TRPM3: variants seen among roughly 807,000 people sequenced by gnomAD.
TRPM3 encodes the protein long transient receptor potential channel 3.
A neutral mutation model predicts 181.2 loss-of-function variants in TRPM3; 77 were observed. The observed-to-expected ratio is 0.42, with a 90% confidence interval of 0.35 to 0.51. The LOEUF (loss-of-function observed/expected upper bound fraction) is 0.51, where lower values mean the gene tolerates loss of function less well. Among genes scored for constraint, TRPM3 ranks in the 20% least tolerant of loss-of-function variants. The pLI is 0.01. For synonymous variants in TRPM3, 745 were observed against 796.4 expected (o/e 0.94, Z 1.09); for missense variants, 1,759 against 2,196.7 (o/e 0.80, Z 3.98).
chr9:70,628,510 G>A (rs2133339797), intron 12 of TRPM3, among the ~76,000 whole-genome samples: 2 of 152,230 alleles, frequency 1.3e-5, no homozygotes, highest in South Asian at 4.1e-4. Flanking sequence ...ATAAATTTGT[G>A]CCTAGTTTTA....
At chr9:71,235,915 C>T (rs1299580471) in intron 1 of TRPM3, among the ~76,000 whole-genome samples, 2 of 152,210 alleles carry the variant, frequency 1.3e-5, no homozygotes, top group African/African-American at 4.8e-5. Context: ...TGAGATACTA[C>T]ATATGCCTAG....
intron 1 of TRPM3, among the ~76,000 whole-genome samples, chr9:71,342,871 G>T (rs1315443630): frequency 1.3e-5 from 2 of 151,968 alleles, no homozygotes; most frequent in African/African-American, 2.4e-5. Context: ...TCTGTATAAT[G>T]GTTTACTATT....
chr9:70,867,910 C>T (rs1403542099), intron 1 of TRPM3, among the ~76,000 whole-genome samples: 1 of 151,992 alleles, frequency 6.6e-6, no homozygotes, highest in African/African-American at 2.4e-5. Flanking sequence ...TTTTGAACTA[C>T]TCTATATGAA....
chr9:70,878,116 A>G (rs2095905194), intron 1 of TRPM3, among the ~76,000 whole-genome samples: 1 of 152,034 alleles, frequency 6.6e-6, no homozygotes, highest in African/African-American at 2.4e-5. Flanking sequence ...CCCACTGTTG[A>G]TTCCAATGTT....
intron 9 of TRPM3, among the ~76,000 whole-genome samples, chr9:70,660,629 A>T (rs1282937515): frequency 6.6e-6 from 1 of 152,136 alleles, no homozygotes; most frequent in Non-Finnish European, 1.5e-5. Context: ...TGTCTCAGAT[A>T]TTTGGGGTTC....
chr9:70,836,268 C>T (rs997641494), intron 5 of TRPM3, among the ~76,000 whole-genome samples: 1 of 152,066 alleles, frequency 6.6e-6, no homozygotes, highest in African/African-American at 2.4e-5. Flanking sequence ...ACCTCTCTGT[C>T]CCATGTCCCT....
At chr9:71,014,307 G>C (rs1044281727) in intron 1 of TRPM3, among the ~76,000 whole-genome samples, 5 of 151,952 alleles carry the variant, frequency 3.3e-5, no homozygotes, top group Non-Finnish European at 1.5e-5. Context: ...AGAATGTCAT[G>C]ACCTAACATA....
Position 71,025,176 on chromosome 9 carries a change from A to G in TRPM3, c.177+96002T>C, listed in dbSNP as rs544118923. Among the ~76,000 whole-genome samples the G allele has an allele frequency of 3.3e-5, 5 of 152,338 alleles. 1 individual carries two copies. In the South Asian group the frequency reaches 1.0e-3, roughly 32 times the overall value. On this transcript the variant is annotated intron_variant, in intron 1 of 25. Coordinates refer to ENST00000677713, the MANE Select transcript of TRPM3 (RefSeq NM_001366145.2). ...TGCAATACTCATTCCCCCAAATAGA[A>G]GCTATAATAATCACTTTCCAGCCTC...
chr9:70,950,742 T>C (rs1330475305), intron 1 of TRPM3, among the ~76,000 whole-genome samples: 7 of 152,194 alleles, frequency 4.6e-5, no homozygotes, highest in Admixed American at 1.3e-4. Context: ...CTAAATCTCA[T>C]CCGACTTCTT....
In TRPM3 at chr9:71,401,925, C is replaced by A. The variant is rs371585849; in HGVS notation, c.183+44728G>T. Among the ~76,000 whole-genome samples, 92 of 152,276 alleles carry A rather than the reference C, an allele frequency of 6.0e-4. 3 individuals carry two copies. In the South Asian group the frequency reaches 0.018, roughly 30 times the overall value. ...GAAATTCTAAAAGTTCATATTATCC[C>A]CTCAAATCACTCTCATGAGTTACTG... On this transcript the variant is annotated intron_variant, in intron 1 of 24. Transcript: ENST00000357533.
chr9:71,102,473 A>G (rs534695587), intron 1 of TRPM3, among the ~76,000 whole-genome samples: 10 of 152,216 alleles, frequency 6.6e-5, no homozygotes, highest in Non-Finnish European at 1.5e-4. Context: ...CTTATGCTAC[A>G]CTGCCTACTT....
chr9:70,925,360 A>G (rs1036408489), intron 1 of TRPM3, among the ~76,000 whole-genome samples: 2 of 152,060 alleles, frequency 1.3e-5, no homozygotes, highest in Non-Finnish European at 2.9e-5. Flanking sequence ...TACCGCAATG[A>G]TGTATTACAC....
At chr9:71,008,318 T>A (rs573850890) in intron 1 of TRPM3, among the ~76,000 whole-genome samples, 2 of 152,198 alleles carry the variant, frequency 1.3e-5, no homozygotes, top group South Asian at 4.2e-4. Flanking sequence ...GCTACACCAC[T>A]GAATTCTACC....
rs1588912324 is a variant in TRPM3, at chr9:70,826,970, C to T, written c.973+877G>A. The T allele has an allele frequency of 3.3e-5, 5 of 152,316 alleles. No homozygotes were observed. The South Asian group carries it at 1.0e-3, about 32-fold the overall frequency. 9.4% of individuals were successfully genotyped at this position (152,316 alleles called of 1,614,324 possible). A position where few individuals can be genotyped will look rare whatever the true frequency, so the allele number is the denominator to read the frequency against. ...CCACTTAGTGATCTGGGGAGCATTG[C>T]TGTTTTGATGATGCTACCTTTCACA... On this transcript the variant is annotated intron_variant, in intron 6 of 25. Transcript: ENST00000677713.
intron 1 of TRPM3, among the ~76,000 whole-genome samples, chr9:71,356,876 ACT>A (rs935752987): frequency 7.7e-4 from 118 of 152,286 alleles, no homozygotes; most frequent in African/African-American, 2.7e-3. Flanking sequence ...TTGTTTCTGC[ACT>A]TTTTCCTATT....
intron 22 of TRPM3, among the ~76,000 whole-genome samples, chr9:70,577,442 T>G (rs188027254): frequency 1.4e-4 from 21 of 152,344 alleles, no homozygotes; most frequent in East Asian, 1.4e-3. Flanking sequence ...TTCATGTAGA[T>G]CACTAGTAAA....
At chr9:70,994,390 C>A (rs1403625690) in intron 1 of TRPM3, among the ~76,000 whole-genome samples, 3 of 152,192 alleles carry the variant, frequency 2.0e-5, no homozygotes, top group Non-Finnish European at 4.4e-5. Flanking sequence ...AGCCTATGAT[C>A]TTTCCACCAC....
chr9:71,019,125 C>T (rs2134472828), intron 1 of TRPM3, among the ~76,000 whole-genome samples: 1 of 151,726 alleles, frequency 6.6e-6, no homozygotes, highest in East Asian at 1.9e-4. Context: ...ATCTACAAAA[C>T]AAACAAACAA....
intron 25 of TRPM3, among the ~76,000 whole-genome samples, chr9:70,545,758 G>A (rs1175294769): frequency 2.0e-5 from 3 of 152,048 alleles, no homozygotes; most frequent in Admixed American, 2.0e-4. Flanking sequence ...ATGGTGGCCA[G>A]GCTGGTCTCG....
Sources: gnomAD v4.1 joint callset for allele counts (sites outside exome capture counted in the v4.1 genomes callset) on GRCh38, gnomAD v4.1.1 for gene constraint, MANE v1.5 for transcripts, NCBI Gene and HGNC (gene_info 2026-07-23, HGNC 2026-07-21) for gene names.